The following ZFAND6 variants were observed in gnomAD, a reference collection of about 807,000 sequenced individuals.
ZFAND6 encodes the protein zinc finger AN1-type containing 6, also known as AN1-type zinc finger protein 6.
Under a neutral mutation model 24.5 loss-of-function variants are expected in ZFAND6, and 12 were observed. The ratio of observed to expected loss-of-function variants is 0.49; its 90% CI spans 0.31 to 0.79. The LOEUF is 0.79. Ranked by LOEUF, ZFAND6 falls within the 30% of genes least tolerant of loss-of-function variation. ZFAND6 has a pLI of 0.04. For missense variants in ZFAND6, 207 were observed against 245.9 expected (o/e 0.84, Z 1.06); for synonymous variants, 92 against 81.5 (o/e 1.13, Z -0.69).
chr15:80,071,381 C>T lies in ZFAND6; in HGVS notation c.-181+11572C>T, dbSNP rs149577869. Reference sequence around the variant, plus strand: ...GCTTTAATTTCGAGTTTATGAATCACAGGATTTTTGGTAGAGGTAAAAACT... The same window carrying T: ...GCTTTAATTTCGAGTTTATGAATCATAGGATTTTTGGTAGAGGTAAAAACT... On this transcript the variant is annotated intron_variant, in intron 1 of 6. Coordinates refer to ENST00000261749, the MANE Select transcript of ZFAND6 (RefSeq NM_019006.4). 1.3e-4 allele frequency among the ~76,000 whole-genome samples: 20 copies of T among 152,196 alleles called. No individual in the cohort carries two copies. The East Asian group carries it at 3.9e-3, about 29-fold the overall frequency.
At chr15:80,118,280 A>G (rs2039985549) in intron 2 of ZFAND6, among the ~76,000 whole-genome samples, 1 of 151,400 alleles carries the variant, frequency 6.6e-6, no homozygotes, top group Non-Finnish European at 1.5e-5. Context: ...ACGCCGCCAC[A>G]CCCGGCTAGT....
At chr15:80,085,508 C>T (rs899013971) in intron 1 of ZFAND6, among the ~76,000 whole-genome samples, 6 of 152,176 alleles carry the variant, frequency 3.9e-5, no homozygotes, top group African/African-American at 1.4e-4. Flanking sequence ...AAAACAGTTC[C>T]ACTTCTGAAC....
intron 2 of ZFAND6, among the ~76,000 whole-genome samples, chr15:80,117,735 A>T (rs909794126): frequency 6.6e-6 from 1 of 152,172 alleles, no homozygotes; most frequent in Non-Finnish European, 1.5e-5. Flanking sequence ...GTCAAGATTT[A>T]GTAAAATTAA....
At position 80,121,808 on chromosome 15, in the gene ZFAND6, C is replaced by T; in HGVS notation, c.251C>T (p.Ser84Phe). The change falls in exon 4 of 7, where the codon TCT (serine) becomes TTT (phenylalanine). Residue 84 changes from serine to phenylalanine, a missense_variant. This residue lies in a region of ZFAND6 where 133 missense variants were observed against 122.8 expected (regional missense o/e 1.08). Coordinates refer to ENST00000261749, the MANE Select transcript of ZFAND6 (RefSeq NM_019006.4). Reference protein sequence around the residue: ...AQSALDSTSSSMQPSPVSNQS... With the variant: ...AQSALDSTSSFMQPSPVSNQS... ...TCAGCATTAGACTCTACATCTTCAT[C>T]TATGCAGCCCAGGTAAGATGTACTC... is the stretch of plus-strand genomic sequence containing the variant. 6.2e-7 allele frequency: 1 copy of T among 1,612,864 alleles called. No homozygotes were observed. The highest frequency in any genetic ancestry group is 8.5e-7 in the Non-Finnish European group (1 of 1,179,078).
intron 2 of ZFAND6, among the ~76,000 whole-genome samples, chr15:80,109,471 G>T (rs1487172441): frequency 1.3e-5 from 2 of 152,118 alleles, no homozygotes; most frequent in Admixed American, 1.3e-4. Context: ...AGGAGGTGAA[G>T]AACCTAGTCA....
chr15:80,065,536 G>GATTTTTT (rs2036579525), intron 1 of ZFAND6, among the ~76,000 whole-genome samples: 1 of 84,984 alleles, frequency 1.2e-5, no homozygotes, highest in Non-Finnish European at 2.4e-5. Context: ...TTTTGGTTTT[G>GATTTTTT]ATTTTTTTTT....
intron 2 of ZFAND6, among the ~76,000 whole-genome samples, chr15:80,109,092 C>G (rs1567081473): frequency 6.6e-6 from 1 of 152,178 alleles, no homozygotes; most frequent in Non-Finnish European, 1.5e-5. Flanking sequence ...AGATCTAGAT[C>G]TCTTCTTAAA....
At chr15:80,083,633 G>A (rs1303708184) in intron 1 of ZFAND6, among the ~76,000 whole-genome samples, 1 of 152,176 alleles carries the variant, frequency 6.6e-6, no homozygotes, top group African/African-American at 2.4e-5. Flanking sequence ...GTTAGGCTGG[G>A]CACAGTGGCT....
intron 1 of ZFAND6, among the ~76,000 whole-genome samples, chr15:80,064,454 G>A (rs770668124): frequency 6.6e-6 from 1 of 151,806 alleles, no homozygotes; most frequent in Admixed American, 6.6e-5. Flanking sequence ...CTGGATATTG[G>A]ACATCTTCTA....
At chr15:80,113,398 T>C (rs891831840) in intron 2 of ZFAND6, among the ~76,000 whole-genome samples, 1 of 152,248 alleles carries the variant, frequency 6.6e-6, no homozygotes, top group African/African-American at 2.4e-5. Flanking sequence ...CAATCAAATA[T>C]GGCTATGGGT....
intron 2 of ZFAND6, among the ~76,000 whole-genome samples, chr15:80,101,012 C>A (rs1267662430): frequency 6.6e-6 from 1 of 152,116 alleles, no homozygotes; most frequent in Non-Finnish European, 1.5e-5. Context: ...CATTATTAAA[C>A]CTGTTTGTTC....
chr15:80,064,609 CA>C lies in ZFAND6; in HGVS notation c.-181+4801del, dbSNP rs1302718742. On this transcript the variant is annotated intron_variant, in intron 1 of 6. Coordinates refer to ENST00000261749, the MANE Select transcript of ZFAND6 (RefSeq NM_019006.4). ...AAATATATATACACATGTATACATA[CA>C]CACACACACACACACACACGTATGT... Among the ~76,000 whole-genome samples, 9 of 9,354 alleles carry C rather than the reference CA, an allele frequency of 9.6e-4. No individual in the cohort carries two copies. The Admixed American group carries it at 0.021, about 22-fold the overall frequency. 6.1% of individuals were successfully genotyped at this position (9,354 alleles called of 152,430 possible). A position where few individuals can be genotyped will look rare whatever the true frequency, so the allele number is the denominator to read the frequency against.
chr15:80,117,808 C>T (rs1318685157), intron 2 of ZFAND6, among the ~76,000 whole-genome samples: 1 of 151,402 alleles, frequency 6.6e-6, no homozygotes, highest in Non-Finnish European at 1.5e-5. Context: ...GGTGCCACTG[C>T]TTTGATTTGG....
chr15:80,091,646 A>C (rs28660094), intron 1 of ZFAND6, among the ~76,000 whole-genome samples: 147,254 of 151,116 alleles, frequency 0.97, 71,746 homozygotes, highest in Middle Eastern at 1. Context: ...TAAAAAAAAA[A>C]CTTTTTTTAA....
At chr15:80,136,426 C>G in intron 6 of ZFAND6, among the ~76,000 whole-genome samples, 1 of 151,880 alleles carries the variant, frequency 6.6e-6, no homozygotes, top group East Asian at 1.9e-4. Context: ...GATCATGCCA[C>G]TGCACTGCAG....
chr15:80,070,352 A>C (rs181475908), intron 1 of ZFAND6, among the ~76,000 whole-genome samples: 4 of 152,326 alleles, frequency 2.6e-5, no homozygotes, highest in Admixed American at 2.6e-4. Context: ...TACTGCATGC[A>C]ATCAGGGAGC....
intron 1 of ZFAND6, among the ~76,000 whole-genome samples, chr15:80,094,286 G>A (rs2038574143): frequency 6.6e-6 from 1 of 152,212 alleles, no homozygotes; most frequent in African/African-American, 2.4e-5. Context: ...GGGAGCGCGT[G>A]GGAGCTGGCA....
chr15:80,069,797 C>T (rs553078215), intron 1 of ZFAND6, among the ~76,000 whole-genome samples: 8 of 152,034 alleles, frequency 5.3e-5, no homozygotes, highest in Non-Finnish European at 7.4e-5. Context: ...CTAGTAGAGA[C>T]GGGGTTTCAC....
At chr15:80,114,383 G>A (rs983314994) in intron 2 of ZFAND6, among the ~76,000 whole-genome samples, 5 of 152,200 alleles carry the variant, frequency 3.3e-5, no homozygotes, top group African/African-American at 4.8e-5. Flanking sequence ...GTTAAATTAT[G>A]TGAAGGACGA....
Sources: gnomAD v4.1 joint callset for allele counts (sites outside exome capture counted in the v4.1 genomes callset) on GRCh38, gnomAD v4.1.1 for gene constraint, gnomAD v4.1.1 regional missense constraint, MANE v1.5 for transcripts, NCBI Gene and HGNC (gene_info 2026-07-23, HGNC 2026-07-21) for gene names.